The following FGF13 variants were observed in gnomAD, a reference collection of about 807,000 sequenced individuals.
FGF13 encodes fibroblast growth factor 13.
In FGF13, 2 loss-of-function variants were observed where a neutral mutation model predicts 19.5. The ratio of observed to expected loss-of-function variants is 0.10; its 90% CI spans 0.04 to 0.32. FGF13 has a LOEUF of 0.32. FGF13 is among the 10% of genes least tolerant of loss of function. The pLI is 1.00. For missense variants in FGF13, 113 were observed against 192.7 expected, an observed-to-expected ratio of 0.59 and a Z score of 2.45; for synonymous variants, 72 against 76.9, an observed-to-expected ratio of 0.94 and a Z score of 0.33.
At chrX:139,204,671 A>G (rs1375047139), upstream of FGF13, among the ~76,000 whole-genome samples, 1 of 113,159 alleles carries the variant, frequency 8.8e-6, no homozygotes, top group Non-Finnish European at 1.9e-5. Flanking sequence ...TAAAAAATCA[A>G]AACAAAGATA....
intron 1 of FGF13, among the ~76,000 whole-genome samples, chrX:138,998,327 A>G (rs1377415460): frequency 9.0e-6 from 1 of 111,641 alleles, no homozygotes; most frequent in Non-Finnish European, 1.9e-5. Flanking sequence ...AAATTCACAC[A>G]TAACAATATT....
chrX:138,845,779 T>C (rs540673881), intron 3 of FGF13, among the ~76,000 whole-genome samples: 1 of 112,066 alleles, frequency 8.9e-6, no homozygotes, highest in Middle Eastern at 4.6e-3. Context: ...ATTTACTGAA[T>C]TAGTTCATGA....
At chrX:139,020,976 C>T (rs929981360) in intron 1 of FGF13, among the ~76,000 whole-genome samples, 1 of 110,675 alleles carries the variant, frequency 9.0e-6, no homozygotes, top group Non-Finnish European at 1.9e-5. Context: ...GAATGGAAGG[C>T]TGTATGATGA....
At chrX:138,765,656 T>C (rs2090497561) in intron 3 of FGF13, among the ~76,000 whole-genome samples, 1 of 112,086 alleles carries the variant, frequency 8.9e-6, no homozygotes, top group Non-Finnish European at 1.9e-5. Flanking sequence ...AGCAGTCAGA[T>C]GGCCTTGGGT....
intron 3 of FGF13, among the ~76,000 whole-genome samples, chrX:138,778,042 G>T (rs1482171792): frequency 8.9e-6 from 1 of 112,010 alleles, no homozygotes; most frequent in African/African-American, 3.2e-5. Context: ...AAAAGGTGGG[G>T]GTAGGAGCCA....
chrX:138,831,810 G>GT (rs1472582130), intron 3 of FGF13, among the ~76,000 whole-genome samples: 2 of 110,653 alleles, frequency 1.8e-5, no homozygotes, highest in Non-Finnish European at 3.8e-5. Context: ...AGTTATTTTT[G>GT]CTGATCCTCT....
intron 1 of FGF13, among the ~76,000 whole-genome samples, chrX:139,154,293 C>T (rs1010413957): frequency 2.8e-4 from 31 of 111,072 alleles, no homozygotes; most frequent in Non-Finnish European, 5.7e-5. Flanking sequence ...TCCTGAGAGT[C>T]GCCATGAGTT....
chrX:138,811,759 G>A (rs1200831786), intron 3 of FGF13, among the ~76,000 whole-genome samples: 1 of 109,981 alleles, frequency 9.1e-6, no homozygotes, highest in Non-Finnish European at 1.9e-5. Flanking sequence ...AGTCCCACCT[G>A]TACCCTATCC....
chrX:138,718,277 C>T (rs1165387764), intron 1 of FGF13, among the ~76,000 whole-genome samples: 2 of 112,086 alleles, frequency 1.8e-5, no homozygotes, highest in African/African-American at 6.5e-5. Flanking sequence ...GGCAAAATAT[C>T]TGTAACACTG....
At chrX:138,868,968 T>C (rs2091343931) in intron 1 of FGF13, among the ~76,000 whole-genome samples, 1 of 110,850 alleles carries the variant, frequency 9.0e-6, no homozygotes, top group Non-Finnish European at 1.9e-5. Context: ...GCAAAAAAAA[T>C]TATAGTGCAA....
intron 3 of FGF13, among the ~76,000 whole-genome samples, chrX:138,640,203 ACAC>A (rs1274476907): frequency 9.0e-6 from 1 of 111,230 alleles, no homozygotes; most frequent in Non-Finnish European, 1.9e-5. Context: ...TGAACCCTAA[ACAC>A]CACATCTGTA....
intron 1 of FGF13, among the ~76,000 whole-genome samples, chrX:139,180,586 A>T (rs888970773): frequency 5.4e-5 from 6 of 111,978 alleles, no homozygotes; most frequent in Admixed American, 4.8e-4. Flanking sequence ...TTTACTTTTC[A>T]AGTGGAGGCT....
intron 1 of FGF13, among the ~76,000 whole-genome samples, chrX:138,940,673 T>C (rs149728124): frequency 2.0e-3 from 227 of 111,867 alleles, no homozygotes; most frequent in African/African-American, 7.2e-3. Context: ...CCCAGCACCA[T>C]TTATTGAACA....
At chrX:138,855,152 T>TGG (rs1299762132), downstream of FGF13, among the ~76,000 whole-genome samples, 8 of 111,962 alleles carry the variant, frequency 7.1e-5, no homozygotes, top group African/African-American at 9.7e-5. Flanking sequence ...CAGTGAACCC[T>TGG]TCCAAACCCA....
intron 1 of FGF13, among the ~76,000 whole-genome samples, chrX:139,199,619 C>G (rs901734080): frequency 9.0e-6 from 1 of 111,323 alleles, no homozygotes; most frequent in African/African-American, 3.3e-5. Flanking sequence ...CAATTCTCTC[C>G]CCAGTCCTGA....
chrX:139,023,216 T>C (rs994032747), intron 1 of FGF13, among the ~76,000 whole-genome samples: 2 of 111,137 alleles, frequency 1.8e-5, no homozygotes, highest in Non-Finnish European at 3.8e-5. Flanking sequence ...TCTTCCATAG[T>C]AGTGTGAAAG....
chrX:138,872,005 C>T (rs1211605269), intron 1 of FGF13, among the ~76,000 whole-genome samples: 2 of 111,537 alleles, frequency 1.8e-5, no homozygotes, highest in South Asian at 3.8e-4. Context: ...GACTGCAGGG[C>T]GCAAAGATGG....
intron 1 of FGF13, among the ~76,000 whole-genome samples, chrX:138,733,391 A>C (rs2090247719): frequency 8.9e-6 from 1 of 112,058 alleles, no homozygotes; most frequent in South Asian, 3.7e-4. Flanking sequence ...GAACATAAAC[A>C]CACATGCCTG....
intron 1 of FGF13, among the ~76,000 whole-genome samples, chrX:139,013,874 C>G (rs1317877217): frequency 9.1e-6 from 1 of 109,624 alleles, no homozygotes; most frequent in Non-Finnish European, 1.9e-5. Context: ...CAAAGACCTA[C>G]TGAAATAAAA....
Sources: allele counts gnomAD v4.1 joint callset (sites outside exome capture counted in the v4.1 genomes callset), GRCh38; gene constraint gnomAD v4.1.1; transcripts MANE v1.5; gene names NCBI Gene and HGNC (gene_info 2026-07-23, HGNC 2026-07-21).